The following PTPRD variants were observed in gnomAD, a reference collection of about 807,000 sequenced individuals.
PTPRD encodes receptor-type tyrosine-protein phosphatase delta.
A neutral mutation model predicts 214.5 loss-of-function variants in PTPRD; 34 were observed. That is an observed-to-expected ratio of 0.16 (90% CI 0.12 to 0.21). The LOEUF (loss-of-function observed/expected upper bound fraction) is 0.21. PTPRD is among the 10% of genes least tolerant of loss of function. The pLI is 1.00. For synonymous variants in PTPRD, 1,128 were observed against 845.7 expected (o/e 1.33, Z -5.79); for missense variants, 2,545 against 2,398.7 (o/e 1.06, Z -1.27).
At chr9:10,256,983 A>ACATGGCC (rs2093333334) in intron 3 of PTPRD, among the ~76,000 whole-genome samples, 1 of 152,210 alleles carries the variant, frequency 6.6e-6, no homozygotes, top group Non-Finnish European at 1.5e-5. Context: ...TACTCTATAT[A>ACATGGCC]TCAATACATT....
At chr9:9,807,079 A>G (rs931347933) in intron 5 of PTPRD, among the ~76,000 whole-genome samples, 13 of 152,102 alleles carry the variant, frequency 8.5e-5, no homozygotes, top group African/African-American at 3.1e-4. Flanking sequence ...TTCCAAGTAT[A>G]TTTCTTTTTG....
chr9:9,955,290 C>T (rs139783624), intron 4 of PTPRD, among the ~76,000 whole-genome samples: 18 of 152,192 alleles, frequency 1.2e-4, no homozygotes, highest in African/African-American at 4.1e-4. Context: ...ATGACTTTAT[C>T]ATCCTGAAAG....
intron 7 of PTPRD, among the ~76,000 whole-genome samples, chr9:9,699,616 T>A (rs1437824753): frequency 2.0e-5 from 3 of 152,150 alleles, no homozygotes; most frequent in African/African-American, 7.2e-5. Context: ...AAATGCTCAC[T>A]TAGAAGAATA....
chr9:8,758,844 C>G (rs956999789), intron 11 of PTPRD, among the ~76,000 whole-genome samples: 10 of 151,494 alleles, frequency 6.6e-5, no homozygotes, highest in African/African-American at 2.4e-4. Flanking sequence ...TGCCACCACG[C>G]TTGGCTAATT....
At position 9,434,405 on chromosome 9, in the gene PTPRD, G is replaced by T. The variant is rs552256663; in HGVS notation, c.-236-36923C>A. ...GTAGGGTATCCTGTGTTCATGCATT[G>T]GAAGAATGAATAATGTTAAAATGGC... On this transcript the variant is annotated intron_variant, in intron 8 of 45. Coordinates refer to ENST00000381196, the MANE Select transcript of PTPRD (RefSeq NM_002839.4). Among the ~76,000 whole-genome samples, 5 of 152,232 alleles carry T rather than the reference G, an allele frequency of 3.3e-5. No homozygotes were observed. In the South Asian group the frequency reaches 8.3e-4, roughly 25 times the overall value.
intron 11 of PTPRD, among the ~76,000 whole-genome samples, chr9:8,805,811 C>T (rs529152588): frequency 6.6e-6 from 1 of 151,122 alleles, no homozygotes; most frequent in African/African-American, 2.4e-5. Context: ...CTGGCTAACA[C>T]AGTGAAATCC....
At chr9:9,358,731 G>T (rs1184151830) in intron 9 of PTPRD, among the ~76,000 whole-genome samples, 3 of 151,226 alleles carry the variant, frequency 2.0e-5, no homozygotes, top group Non-Finnish European at 3.0e-5. Flanking sequence ...TGTTGAGAAG[G>T]GCCTGCGCCT....
chr9:10,146,798 G>A (rs7846841), intron 3 of PTPRD, among the ~76,000 whole-genome samples: 11,350 of 152,110 alleles, frequency 0.075, 1,211 homozygotes, highest in African/African-American at 0.24. Flanking sequence ...TTTGGGGAGA[G>A]TGGAGATTTG....
At chr9:10,480,168 G>A (rs1805197) in intron 2 of PTPRD, among the ~76,000 whole-genome samples, 137,216 of 152,084 alleles carry the variant, frequency 0.9, 62,066 homozygotes, top group East Asian at 1. Context: ...CCCATGGCAA[G>A]TGTGCCACAC....
intron 2 of PTPRD, among the ~76,000 whole-genome samples, chr9:10,354,199 T>C (rs939972262): frequency 2.0e-5 from 3 of 152,154 alleles, no homozygotes; most frequent in African/African-American, 4.8e-5. Context: ...CATATTTTAA[T>C]ACAACTGGGA....
chr9:8,445,071 C>A (rs185375685), intron 34 of PTPRD, among the ~76,000 whole-genome samples: 53 of 152,222 alleles, frequency 3.5e-4, no homozygotes, highest in African/African-American at 1.2e-3. Flanking sequence ...ACTACGTCAC[C>A]TCTCTCTTTT....
intron 7 of PTPRD, among the ~76,000 whole-genome samples, chr9:9,699,613 C>T (rs1295588798): frequency 6.6e-6 from 1 of 152,156 alleles, no homozygotes; most frequent in African/African-American, 2.4e-5. Flanking sequence ...GGAAAATGCT[C>T]ACTTAGAAGA....
At chr9:8,674,396 T>G (rs1394936917) in intron 12 of PTPRD, among the ~76,000 whole-genome samples, 1 of 129,636 alleles carries the variant, frequency 7.7e-6, no homozygotes, top group East Asian at 2.4e-4. Flanking sequence ...AGGCGGAGGT[T>G]GCAGTGAGCC....
intron 37 of PTPRD, among the ~76,000 whole-genome samples, chr9:8,382,106 C>G (rs1384466711): frequency 6.6e-6 from 1 of 152,186 alleles, no homozygotes; most frequent in Non-Finnish European, 1.5e-5. Flanking sequence ...CTCTTCCAAA[C>G]AGTATCATTA....
intron 14 of PTPRD, among the ~76,000 whole-genome samples, chr9:8,569,547 T>C (rs1198745408): frequency 1.3e-5 from 2 of 152,234 alleles, no homozygotes; most frequent in South Asian, 2.1e-4. Context: ...CCCTCAACAA[T>C]TGGTGTGTCT....
At chr9:9,024,392 A>C (rs935142587) in intron 10 of PTPRD, among the ~76,000 whole-genome samples, 20 of 148,280 alleles carry the variant, frequency 1.3e-4, no homozygotes, top group African/African-American at 5.0e-4. Context: ...TGTGATAAAC[A>C]TCCTTCAGGC....
intron 3 of PTPRD, among the ~76,000 whole-genome samples, chr9:10,200,008 T>C (rs1162948128): frequency 6.6e-6 from 1 of 152,088 alleles, no homozygotes; most frequent in Non-Finnish European, 1.5e-5. Flanking sequence ...CAATTATTTA[T>C]CCTAGCATAC....
At chr9:9,327,487 G>A (rs190578533) in intron 9 of PTPRD, among the ~76,000 whole-genome samples, 36 of 152,124 alleles carry the variant, frequency 2.4e-4, no homozygotes, top group African/African-American at 6.5e-4. Context: ...TGTTTTCAGA[G>A]AAATTTGCAA....
At chr9:9,668,152 A>G (rs1434661452) in intron 7 of PTPRD, among the ~76,000 whole-genome samples, 1 of 152,150 alleles carries the variant, frequency 6.6e-6, no homozygotes, top group East Asian at 1.9e-4. Flanking sequence ...ACCAGGTCTC[A>G]CTCATGAAAA....
Sources: allele counts gnomAD v4.1 joint callset (sites outside exome capture counted in the v4.1 genomes callset), GRCh38; gene constraint gnomAD v4.1.1; transcripts MANE v1.5; gene names NCBI Gene and HGNC (gene_info 2026-07-23, HGNC 2026-07-21).